Variants in POTEI observed in about 807,000 individuals in gnomAD.
The protein encoded by POTEI is POTE ankyrin domain family member I, also known as POTE ankyrin domain family, member I.
POTEI carries 14 observed loss-of-function variants against 43.4 expected under a neutral mutation model. That is an observed-to-expected ratio of 0.32 (90% CI 0.21 to 0.50). The LOEUF is 0.50. POTEI is among the 20% of genes least tolerant of loss of function. The pLI, the probability that POTEI is intolerant of heterozygous loss-of-function variation, is 0.98. For missense variants in POTEI, 235 were observed against 795.4 expected (o/e 0.30, Z 8.47); for synonymous variants, 95 against 297.9 (o/e 0.32, Z 7.01).
Position 130,509,006 on chromosome 2 carries a change from T to C in POTEI, c.230A>G (p.Lys77Arg), listed in dbSNP as rs781139888. 1 of 1,518,888 alleles carries C rather than the reference T, an allele frequency of 6.6e-7. No individual in the cohort carries two copies. Among genetic ancestry groups the C allele is most frequent in the African/African-American group, 1.4e-5 (1 of 70,102 alleles). The allele number at this position is 1,518,888 out of a possible 1,614,324, so 94.1% of individuals were successfully genotyped here. ...GTCTCCAGAAGTGCCCACGTTGCTC[T>C]TGCCACTCCCCCTGCAGCAGGGGAA... The part of the protein sequence containing the change: ...HCFPCCRGSG[K>R]SNVGTSGDHD... Residue 77 changes from lysine to arginine, a missense_variant, in exon 1 of 15, where the codon AAG becomes AGG. Lys to Arg is a conservative substitution (Grantham distance 26). Transcript: ENST00000451531.
intron 6 of POTEI, among the ~76,000 whole-genome samples, chr2:130,492,981 A>C (rs1287668781): frequency 6.7e-6 from 1 of 150,358 alleles, no homozygotes; most frequent in African/African-American, 2.4e-5. Flanking sequence ...CTATACAAAA[A>C]ACACTCTTTC....
chr2:130,468,616 G>C (rs1246891314), intron 13 of POTEI, among the ~76,000 whole-genome samples: 16 of 150,230 alleles, frequency 1.1e-4, no homozygotes, highest in Admixed American at 1.3e-4. Context: ...GACCCCATGA[G>C]CCAATCACCT....
intron 13 of POTEI, among the ~76,000 whole-genome samples, chr2:130,467,530 C>T (rs1331405387): frequency 2.2e-5 from 3 of 136,982 alleles, no homozygotes; most frequent in African/African-American, 5.3e-5. Context: ...GATGAAAGGC[C>T]TAAACCTAAG....
Position 130,483,863 on chromosome 2 carries a change from G to C in POTEI, c.1410-1790C>G, listed in dbSNP as rs3098454. 3.9e-3 allele frequency among the ~76,000 whole-genome samples: 589 copies of C among 150,744 alleles called. 3 individuals are homozygous for C. Among genetic ancestry groups the C allele is most frequent in the African/African-American group, 0.014 (567 of 40,512 alleles). ...CCCAAAGTGCTGTGATTACAGGTGT[G>C]AGCCACCATGCCCGACCTACGGCAA... On this transcript the variant is annotated intron_variant, in intron 9 of 14. Transcript: ENST00000451531.
chr2:130,484,215 A>G (rs2105090180), intron 9 of POTEI, among the ~76,000 whole-genome samples: 1 of 150,846 alleles, frequency 6.6e-6, no homozygotes, highest in East Asian at 2.0e-4. Context: ...TTTTTCTAAT[A>G]CAAAAAACCT....
In POTEI at chr2:130,507,305, TATATATATATATACACACACAC is replaced by T. The variant is rs1558895840; in HGVS notation, c.521+1388_521+1409del. On this transcript the variant is annotated intron_variant, in intron 1 of 14. Coordinates refer to ENST00000451531, the MANE Select transcript of POTEI (RefSeq NM_001277406.2). Reference sequence around the variant, plus strand: ...ATATATATATATATATATATATATATATATATATATATACACACACACACACACACACATATATATGTATATA... The same window carrying T: ...ATATATATATATATATATATATATATACACACACACATATATATGTATATA... 2.8e-3 allele frequency among the ~76,000 whole-genome samples: 47 copies of T among 16,602 alleles called. 2 individuals are homozygous for T. The highest frequency in any genetic ancestry group is 8.3e-3 in the Non-Finnish European group (42 of 5,078). 10.9% of individuals were successfully genotyped at this position (16,602 alleles called of 152,430 possible).
chr2:130,506,518 T>TC (rs1323007177), intron 1 of POTEI, among the ~76,000 whole-genome samples: 10 of 84,814 alleles, frequency 1.2e-4, no homozygotes, highest in African/African-American at 4.2e-4. Context: ...TTTTTTTTCT[T>TC]TTTTTTTTGA....
At position 130,469,094 on chromosome 2, in the gene POTEI, AAGAAATAAATTATAC is replaced by A. The variant is rs1489298293; in HGVS notation, c.1779-3337_1779-3323del. ...AAACAAAAACAAAACAATTATTTTT[AAGAAATAAATTATAC>A]AGAGAACTCTTCTGGTTAAGATGAT... On this transcript the variant is annotated intron_variant, in intron 13 of 14. Coordinates refer to ENST00000451531, the MANE Select transcript of POTEI (RefSeq NM_001277406.2). Among the ~76,000 whole-genome samples the A allele has an allele frequency of 3.0e-5, 4 of 134,932 alleles. No individual in the cohort carries two copies. In the Admixed American group the frequency reaches 3.1e-4, roughly 11 times the overall value. The allele number at this position is 134,932 out of a possible 152,430, so 88.5% of individuals were successfully genotyped here. A position where few individuals can be genotyped will look rare whatever the true frequency, so the allele number is the denominator to read the frequency against.
In POTEI at chr2:130,496,739, G is replaced by C. The variant is rs949235960; in HGVS notation, c.1056-117C>G. ...AATATCAGAATATCAGAACTTAATAGTATTATCCCATCCACTTATGAGTAC... is the reference window on the plus strand; with the variant it reads ...AATATCAGAATATCAGAACTTAATACTATTATCCCATCCACTTATGAGTAC... On this transcript the variant is annotated intron_variant, in intron 5 of 14. Coordinates refer to ENST00000451531, the MANE Select transcript of POTEI (RefSeq NM_001277406.2). 26 of 887,056 alleles carry C rather than the reference G, an allele frequency of 2.9e-5. 1 individual carries two copies. The Admixed American group carries it at 7.3e-4, about 25-fold the overall frequency. 54.9% of individuals were successfully genotyped at this position (887,056 alleles called of 1,614,324 possible).
chr2:130,488,690 A>C (rs4595987), intron 8 of POTEI, among the ~76,000 whole-genome samples: 12 of 120,272 alleles, frequency 1.0e-4, no homozygotes, highest in East Asian at 3.5e-4. Flanking sequence ...ATATTCTTCT[A>C]CCCCACTGCC....
At chr2:130,505,030 A>G (rs987268803) in intron 1 of POTEI, among the ~76,000 whole-genome samples, 2 of 145,068 alleles carry the variant, frequency 1.4e-5, no homozygotes, top group African/African-American at 5.2e-5. Context: ...TAAGCCCAGT[A>G]CCTGTTCATT....
At chr2:130,467,810 A>G (rs2105052178) in intron 13 of POTEI, among the ~76,000 whole-genome samples, 1 of 149,280 alleles carries the variant, frequency 6.7e-6, no homozygotes, top group South Asian at 2.1e-4. Context: ...AATTACATGA[A>G]TAGACATTTC....
chr2:130,484,993 G>T (rs1481710201), intron 9 of POTEI, among the ~76,000 whole-genome samples: 2 of 152,412 alleles, frequency 1.3e-5, no homozygotes, highest in East Asian at 3.9e-4. Flanking sequence ...CAGAGCAATT[G>T]GAAAAGTTGC....
intron 1 of POTEI, among the ~76,000 whole-genome samples, chr2:130,507,756 T>C (rs1422708347): frequency 5.7e-4 from 1 of 1,762 alleles, no homozygotes; most frequent in African/African-American, 8.3e-4. Flanking sequence ...TTCCATTCTG[T>C]TACAAAAAAT....
intron 9 of POTEI, among the ~76,000 whole-genome samples, chr2:130,485,217 C>T (rs1421144200): frequency 6.6e-6 from 1 of 151,508 alleles, no homozygotes; most frequent in Non-Finnish European, 1.5e-5. Context: ...TAGAAAAAGT[C>T]ACGAGGGGCC....
At chr2:130,479,201 G>C (rs1350157931) in intron 10 of POTEI, among the ~76,000 whole-genome samples, 1 of 147,652 alleles carries the variant, frequency 6.8e-6, no homozygotes, top group African/African-American at 2.6e-5. Context: ...ACTGCCACTG[G>C]GAACATAAAC....
At chr2:130,500,409 CCTAA>C (rs1335702150) in intron 4 of POTEI, 123 bp downstream of exon 4, 24 of 667,000 alleles carry the variant, frequency 3.6e-5, no homozygotes, top group Middle Eastern at 4.3e-4. Flanking sequence ...TGTTTTTCTA[CCTAA>C]CTGATTTGTG....
intron 9 of POTEI, among the ~76,000 whole-genome samples, chr2:130,484,979 T>C (rs1160626747): frequency 1.3e-5 from 2 of 152,294 alleles, no homozygotes; most frequent in East Asian, 1.9e-4. Context: ...ACTGACATTT[T>C]TGGCAGAGCA....
intron 1 of POTEI, among the ~76,000 whole-genome samples, chr2:130,507,272 G>GTATA (rs1491586938): frequency 8.7e-5 from 1 of 11,500 alleles, no homozygotes; most frequent in Non-Finnish European, 1.9e-4. Context: ...AAAAAAAAAA[G>GTATA]GATATATATA....
Sources: gnomAD v4.1 joint callset for allele counts (sites outside exome capture counted in the v4.1 genomes callset) on GRCh38, gnomAD v4.1.1 for gene constraint, MANE v1.5 for transcripts, NCBI Gene and HGNC (gene_info 2026-07-23, HGNC 2026-07-21) for gene names.